Variants in RIBC2 observed in about 807,000 individuals in gnomAD.
RIBC2 encodes RIB43A-like with coiled-coils protein 2.
Under a neutral mutation model 44.3 loss-of-function variants are expected in RIBC2, and 40 were observed. That is an observed-to-expected ratio of 0.90 (90% CI 0.70 to 1.18). The LOEUF (loss-of-function observed/expected upper bound fraction) is 1.18, where lower values mean the gene tolerates loss of function less well. Among genes scored for constraint, RIBC2 ranks in the 50% most tolerant of loss-of-function variants. RIBC2 has a pLI of 0.00. For missense variants in RIBC2, 459 were observed against 485.5 expected, an observed-to-expected ratio of 0.95 and a Z score of 0.51; for synonymous variants, 171 against 175.0, an observed-to-expected ratio of 0.98 and a Z score of 0.18.
chr22:45,414,497 TTTA>T, intron 2 of RIBC2, 94 bp downstream of exon 2: 4 of 776,512 alleles, frequency 5.2e-6, no homozygotes, highest in East Asian at 3.0e-5. Context: ...CCTTTTTTTT[TTTA>T]TTTTTTATTT....
intron 4 of RIBC2, among the ~76,000 whole-genome samples, chr22:45,424,651 G>A (rs899919678): frequency 3.3e-5 from 5 of 152,124 alleles, no homozygotes; most frequent in Non-Finnish European, 4.4e-5. Context: ...TGGAGCGACC[G>A]CCAGCCAGAG....
intron 4 of RIBC2, among the ~76,000 whole-genome samples, chr22:45,425,193 G>C (rs922537946): frequency 3.9e-5 from 6 of 152,068 alleles, no homozygotes; most frequent in African/African-American, 1.4e-4. Context: ...ACTTCCTTAG[G>C]GAGTACTCAG....
At chr22:45,414,139 G>A in intron 1 of RIBC2, 124 bp downstream of exon 1, 2 of 1,484,766 alleles carry the variant, frequency 1.3e-6, no homozygotes, top group Non-Finnish European at 1.8e-6. Context: ...ACGGCCTCCT[G>A]CAGGGCCAAT....
In RIBC2 at chr22:45,422,399, C is replaced by T. The variant is rs2087494661; in HGVS notation, c.666C>T (p.Asn222=). The change falls in exon 4 of 7, where the codon AAC becomes AAT. Residue 222 remains asparagine, a synonymous_variant. Coordinates refer to ENST00000614167, the MANE Select transcript of RIBC2 (RefSeq NM_015653.5). Reference sequence around the variant, plus strand: ...TTTGTGCATCTGTGAAAGACTTCAACAAGAGCCAGGTATAGGTACTCCGCG... The same window carrying T: ...TTTGTGCATCTGTGAAAGACTTCAATAAGAGCCAGGTATAGGTACTCCGCG... ...KAVCASVKDF[N]KSQAIESVER... The T allele has an allele frequency of 6.2e-7, 1 of 1,612,966 alleles. No individual in the cohort carries two copies. The highest frequency in any genetic ancestry group is 2.2e-5 in the East Asian group (1 of 44,874).
At chr22:45,425,751 C>A (rs1286166150) in intron 4 of RIBC2, among the ~76,000 whole-genome samples, 197 bp from the exon 5 acceptor site, 1 of 152,160 alleles carries the variant, frequency 6.6e-6, no homozygotes, top group Non-Finnish European at 1.5e-5. Flanking sequence ...TCCAGCCCAC[C>A]CGCCCAGCAG....
rs542395847 is a variant in RIBC2, at chr22:45,422,192, T to C, written c.557-98T>C. 948 of 797,608 alleles carry C rather than the reference T, an allele frequency of 1.2e-3. 16 individuals carry two copies. The South Asian group carries it at 0.013, about 11-fold the overall frequency. The allele number at this position is 797,608 out of a possible 1,614,324, so 49.4% of individuals were successfully genotyped here. Reference sequence around the variant, plus strand: ...ATTATTGTTCCCGTCCTCATGCTCATGGCTAAGGACGTGGTAGGAGGCAAA... The same window carrying C: ...ATTATTGTTCCCGTCCTCATGCTCACGGCTAAGGACGTGGTAGGAGGCAAA... On this transcript the variant is annotated intron_variant, in intron 3 of 6. Coordinates refer to ENST00000614167, the MANE Select transcript of RIBC2 (RefSeq NM_015653.5).
intron 3 of RIBC2, among the ~76,000 whole-genome samples, chr22:45,421,988 C>T (rs904908240): frequency 2.6e-5 from 4 of 152,130 alleles, no homozygotes; most frequent in African/African-American, 9.7e-5. Context: ...AGGTCTCAAA[C>T]GTCATTTCTT....
intron 2 of RIBC2, among the ~76,000 whole-genome samples, chr22:45,414,793 G>A (rs1569206213): frequency 1.3e-5 from 2 of 152,114 alleles, no homozygotes; most frequent in African/African-American, 2.4e-5. Flanking sequence ...TAGATTTTAA[G>A]GGTATATGTA....
At chr22:45,427,602 C>G (rs1243395717) in intron 5 of RIBC2, among the ~76,000 whole-genome samples, 1 of 152,190 alleles carries the variant, frequency 6.6e-6, no homozygotes, top group Non-Finnish European at 1.5e-5. Flanking sequence ...AGGTCTGGGC[C>G]AGAGGCATAA....
intron 5 of RIBC2, among the ~76,000 whole-genome samples, chr22:45,426,790 T>C (rs1234677322): frequency 2.6e-5 from 4 of 152,076 alleles, no homozygotes; most frequent in Admixed American, 6.5e-5. Context: ...CAGGAAGGCC[T>C]TTGCAGTGTT....
Position 45,426,033 on chromosome 22 carries a change from G to A in RIBC2, c.761G>A (p.Gly254Glu). 6.2e-7 allele frequency: 1 copy of A among 1,614,092 alleles called. No individual in the cohort carries two copies. The highest frequency in any genetic ancestry group is 8.5e-7 in the Non-Finnish European group (1 of 1,180,016). ...GCCGAGATCACCAACCTCCTGCGTG[G>A]GGACCTGCTCTCCGAGAACCCGCAG... ...NLAEITNLLR[G>E]DLLSENPQQA... The change falls in exon 5 of 7, where the codon GGG becomes GAG. Residue 254 changes from glycine to glutamate, a missense_variant. Transcript: ENST00000614167.
chr22:45,426,210 AGCCAG>A (rs1466287328), intron 5 of RIBC2, 35 bp downstream of exon 5: 2 of 1,568,546 alleles, frequency 1.3e-6, no homozygotes, highest in Non-Finnish European at 1.7e-6. Context: ...GAGCCCATAG[AGCCAG>A]GCTCTTTGCT....
intron 4 of RIBC2, among the ~76,000 whole-genome samples, chr22:45,425,287 CAT>C (rs2087523890): frequency 6.6e-6 from 1 of 152,194 alleles, no homozygotes; most frequent in Non-Finnish European, 1.5e-5. Flanking sequence ...CTGGTGAGCA[CAT>C]GTGGGAGGCC....
At chr22:45,431,519 G>A (rs1240045162) in intron 6 of RIBC2, among the ~76,000 whole-genome samples, 1 of 152,226 alleles carries the variant, frequency 6.6e-6, no homozygotes, top group Non-Finnish European at 1.5e-5. Context: ...GCAAACAGGT[G>A]AACTTGCACC....
intron 2 of RIBC2, among the ~76,000 whole-genome samples, chr22:45,416,899 G>GTT (rs34961526): frequency 4.1e-4 from 50 of 120,632 alleles, no homozygotes; most frequent in Middle Eastern, 4.2e-3. Flanking sequence ...GATTACTCAG[G>GTT]TTTTTTTTTT....
chr22:45,421,541 A>ATAGTATTAT lies in RIBC2; in HGVS notation c.557-747_557-746insGTATTATTA, dbSNP rs375074564. 1.3e-3 allele frequency among the ~76,000 whole-genome samples: 35 copies of ATAGTATTAT among 27,996 alleles called. 1 individual carries two copies. Among genetic ancestry groups the ATAGTATTAT allele is most frequent in the African/African-American group, 0.011 (33 of 3,088 alleles). 18.4% of individuals were successfully genotyped at this position (27,996 alleles called of 152,430 possible). A position where few individuals can be genotyped will look rare whatever the true frequency, so the allele number is the denominator to read the frequency against. On this transcript the variant is annotated intron_variant, in intron 3 of 6. Transcript: ENST00000614167. ...AATAATAATAATAGTATTATTAATA[A>ATAGTATTAT]TATTAATAATAATAATAGTATTATT...
rs1368262542 is a variant in RIBC2 at position 45,422,335 on chromosome 22, A to G, written c.602A>G (p.Lys201Arg). Reference sequence around the variant, plus strand: ...AGGCTGCAGTTTGACGAGACAGCCAAGCACCTCCAGAAGCTGGAAAGCACC... The same window carrying G: ...AGGCTGCAGTTTGACGAGACAGCCAGGCACCTCCAGAAGCTGGAAAGCACC... ...ETRLQFDETA[K>R]HLQKLESTTR... Residue 201 changes from lysine to arginine, a missense_variant, in exon 4 of 7, where the codon AAG (lysine) becomes AGG (arginine). By Grantham distance (26) the Lys-to-Arg change is conservative. Coordinates refer to ENST00000614167, the MANE Select transcript of RIBC2 (RefSeq NM_015653.5). 6.2e-7 allele frequency: 1 copy of G among 1,614,232 alleles called. No individual in the cohort carries two copies. The highest frequency in any genetic ancestry group is 8.5e-7 in the Non-Finnish European group (1 of 1,180,032).
At chr22:45,422,986 G>T (rs2087501497) in intron 4 of RIBC2, among the ~76,000 whole-genome samples, 2 of 151,280 alleles carry the variant, frequency 1.3e-5, no homozygotes, top group African/African-American at 4.9e-5. Context: ...TGGTTTTTTT[G>T]TTTGTTTGTT....
At chr22:45,418,982 G>A (rs1005596128) in intron 3 of RIBC2, among the ~76,000 whole-genome samples, 17 of 152,100 alleles carry the variant, frequency 1.1e-4, no homozygotes, top group Admixed American at 2.6e-4. Flanking sequence ...CTGGAAATGC[G>A]CATGCAATTC....
Sources: allele counts gnomAD v4.1 joint callset (sites outside exome capture counted in the v4.1 genomes callset), GRCh38; gene constraint gnomAD v4.1.1; transcripts MANE v1.5; gene names NCBI Gene and HGNC (gene_info 2026-07-23, HGNC 2026-07-21).